Variants in DDAH1 observed in about 807,000 individuals in gnomAD.
DDAH1 encodes dimethylarginine dimethylaminohydrolase 1.
DDAH1 carries 19 observed loss-of-function variants against 28.8 expected under a neutral mutation model. The ratio of observed to expected loss-of-function variants is 0.66; its 90% CI spans 0.46 to 0.97. The LOEUF (loss-of-function observed/expected upper bound fraction) is 0.97. Ranked by LOEUF, DDAH1 falls within the 50% of genes least tolerant of loss-of-function variation. The pLI is 0.00. For missense variants in DDAH1, 326 were observed against 375.9 expected (o/e 0.87, Z 1.10); for synonymous variants, 153 against 154.4 (o/e 0.99, Z 0.07).
chr1:85,453,818 GGAAA>G (rs1342809101), intron 1 of DDAH1, among the ~76,000 whole-genome samples: 13 of 152,184 alleles, frequency 8.5e-5, no homozygotes, highest in Admixed American at 8.5e-4. Flanking sequence ...TAAGTGTGAA[GGAAA>G]GAGAGTGAAA....
chr1:85,397,424 A>G (rs1243998694), intron 1 of DDAH1, among the ~76,000 whole-genome samples: 1 of 152,240 alleles, frequency 6.6e-6, no homozygotes, highest in Non-Finnish European at 1.5e-5. Context: ...CAGAGCAAGA[A>G]TTAATTACAT....
intron 1 of DDAH1, among the ~76,000 whole-genome samples, chr1:85,546,559 AAC>A (rs1191629532): frequency 1.3e-5 from 2 of 152,216 alleles, no homozygotes; most frequent in African/African-American, 4.8e-5. Context: ...GAAGGCAAAC[AAC>A]ACTAACTAGA....
In DDAH1 at chr1:85,560,661, T is replaced by C. The variant is rs556477937; in HGVS notation, c.-123+17323A>G. ...CAGAGCAATCAATTAAAAAAATAAG[T>C]AGCATTAGAATGATTTTAACATTGG... On this transcript the variant is annotated intron_variant, in intron 1 of 6. Transcript: ENST00000426972. 1.9e-4 allele frequency among the ~76,000 whole-genome samples: 29 copies of C among 152,024 alleles called. No individual in the cohort carries two copies. The South Asian group carries it at 2.5e-3, about 13-fold the overall frequency.
intron 1 of DDAH1, among the ~76,000 whole-genome samples, chr1:85,567,767 T>A (rs1423195355): frequency 6.6e-6 from 1 of 152,148 alleles, no homozygotes; most frequent in Non-Finnish European, 1.5e-5. Flanking sequence ...AATAGACATA[T>A]TCATAATTGT....
chr1:85,351,741 C>T (rs1331830509), intron 2 of DDAH1, among the ~76,000 whole-genome samples, 162 bp from the exon 3 acceptor site: 1 of 152,002 alleles, frequency 6.6e-6, no homozygotes, highest in Non-Finnish European at 1.5e-5. Context: ...AACTACTGCC[C>T]TTAAGAATAA....
Position 85,477,367 on chromosome 1 carries a change from C to T in DDAH1, c.-7+18799G>A, listed in dbSNP as rs533116721. On this transcript the variant is annotated intron_variant, in intron 2 of 6. Coordinates refer to the DDAH1 transcript ENST00000426972. ...GGGGCCTGTCAATAATATGCATCCG[C>T]CCTCAGGCCTTTTCTACAGCCTTTA... Among the ~76,000 whole-genome samples, 4 of 152,210 alleles carry T rather than the reference C, an allele frequency of 2.6e-5. 1 individual carries two copies. The East Asian group carries it at 7.7e-4, about 29-fold the overall frequency.
chr1:85,539,964 G>T (rs2100784140), intron 1 of DDAH1, among the ~76,000 whole-genome samples: 1 of 151,266 alleles, frequency 6.6e-6, no homozygotes, highest in East Asian at 1.9e-4. Flanking sequence ...TATAAAGTAG[G>T]TATTATACCA....
chr1:85,464,521 G>A lies in DDAH1; in HGVS notation c.303+222C>T. The A allele has an allele frequency of 5.9e-6, 9 of 1,523,630 alleles. No individual in the cohort carries two copies. Among genetic ancestry groups the A allele is most frequent in the Non-Finnish European group, 7.9e-6 (9 of 1,139,842 alleles). 94.4% of individuals were successfully genotyped at this position (1,523,630 alleles called of 1,614,324 possible). On this transcript the variant is annotated intron_variant, in intron 1 of 5. Coordinates refer to ENST00000284031, the MANE Select transcript of DDAH1 (RefSeq NM_012137.4). The surrounding 1 kb of genome is among the most constrained non-coding windows in gnomAD (Gnocchi z 4.4). The stretch of plus-strand genomic sequence containing the variant: ...CTGCCCGAGACCGTACAACCACATT[G>A]AATCGGATCCTCCAGAAGGCTGCCG...
intron 1 of DDAH1, among the ~76,000 whole-genome samples, chr1:85,387,863 A>G (rs1405854846): frequency 6.6e-6 from 1 of 152,186 alleles, no homozygotes; most frequent in Non-Finnish European, 1.5e-5. Flanking sequence ...ACCAGCATCT[A>G]CTTCTGACAA....
chr1:85,329,152 T>C (rs1302034565), intron 4 of DDAH1, among the ~76,000 whole-genome samples: 5 of 152,248 alleles, frequency 3.3e-5, no homozygotes, highest in Admixed American at 2.6e-4. Context: ...TGGAATGTCA[T>C]ACATTCCAGA....
At chr1:85,499,104 C>G (rs563035223) in intron 1 of DDAH1, among the ~76,000 whole-genome samples, 1 of 149,442 alleles carries the variant, frequency 6.7e-6, no homozygotes, top group South Asian at 2.1e-4. Context: ...CAGAGATTAT[C>G]AAACTGAATA....
chr1:85,509,774 C>T (rs12063095), intron 1 of DDAH1, among the ~76,000 whole-genome samples: 3,865 of 151,960 alleles, frequency 0.025, 57 homozygotes, highest in Non-Finnish European at 0.034. Flanking sequence ...TCAATTGAGA[C>T]GACAAGGTTA....
At chr1:85,547,070 T>A (rs1297962267) in intron 1 of DDAH1, among the ~76,000 whole-genome samples, 1 of 152,092 alleles carries the variant, frequency 6.6e-6, no homozygotes, top group East Asian at 1.9e-4. Flanking sequence ...CTTTTTCCCA[T>A]CCTCTCAGAG....
chr1:85,421,258 A>C (rs1444865239), intron 1 of DDAH1, among the ~76,000 whole-genome samples: 1 of 152,146 alleles, frequency 6.6e-6, no homozygotes, highest in Non-Finnish European at 1.5e-5. Context: ...AAAAGAAATA[A>C]CTTTATCAAT....
chr1:85,358,996 A>C (rs1384837815), intron 1 of DDAH1, 149 bp from the exon 2 acceptor site: 10 of 549,124 alleles, frequency 1.8e-5, no homozygotes, highest in Admixed American at 3.5e-5. Flanking sequence ...TGAATATATA[A>C]TGTATGACCA....
At chr1:85,351,189 C>T (rs1649179774) in intron 3 of DDAH1, among the ~76,000 whole-genome samples, 1 of 151,964 alleles carries the variant, frequency 6.6e-6, no homozygotes, top group African/African-American at 2.4e-5. Context: ...AGCCATCACG[C>T]CCGGCCTTCC....
chr1:85,415,251 T>A (rs1408480055), intron 1 of DDAH1, among the ~76,000 whole-genome samples: 1 of 152,136 alleles, frequency 6.6e-6, no homozygotes, highest in Non-Finnish European at 1.5e-5. Flanking sequence ...CCTGACCTCG[T>A]GATCCACCCA....
At chr1:85,410,313 T>C (rs1652590162) in intron 1 of DDAH1, among the ~76,000 whole-genome samples, 1 of 151,616 alleles carries the variant, frequency 6.6e-6, no homozygotes, top group South Asian at 2.1e-4. Context: ...AGAAATTTCC[T>C]TAAAATGTAA....
chr1:85,574,383 C>T (rs1414134268), intron 1 of DDAH1, among the ~76,000 whole-genome samples: 7 of 152,236 alleles, frequency 4.6e-5, no homozygotes, highest in Non-Finnish European at 1.0e-4. Context: ...CAAGGCCATT[C>T]GCAGATGGTC....
Sources: allele counts gnomAD v4.1 joint callset (sites outside exome capture counted in the v4.1 genomes callset), GRCh38; gene constraint gnomAD v4.1.1; non-coding constraint Gnocchi (gnomAD v3.1); transcripts MANE v1.5; gene names NCBI Gene and HGNC (gene_info 2026-07-23, HGNC 2026-07-21).